TRAK2: variants seen among roughly 807,000 people sequenced by gnomAD.
TRAK2 encodes the protein trafficking kinesin protein 2.
Under a neutral mutation model 104.6 loss-of-function variants are expected in TRAK2, and 81 were observed. The ratio of observed to expected loss-of-function variants is 0.77; its 90% CI spans 0.65 to 0.93. The LOEUF (loss-of-function observed/expected upper bound fraction) is 0.93, where lower values mean the gene tolerates loss of function less well. Ranked by LOEUF, TRAK2 falls within the 40% of genes least tolerant of loss-of-function variation. The pLI, the probability that TRAK2 is intolerant of heterozygous loss-of-function variation, is 0.00. For synonymous variants in TRAK2, 406 were observed against 394.4 expected (o/e 1.03, Z -0.35); for missense variants, 1,002 against 1,089.0 (o/e 0.92, Z 1.12).
At chr2:201,429,966 C>T (rs371841923) in intron 1 of TRAK2, among the ~76,000 whole-genome samples, 21 of 152,182 alleles carry the variant, frequency 1.4e-4, no homozygotes, top group Non-Finnish European at 2.2e-4. Context: ...CCTATCTTTG[C>T]GGTTTTATCT....
chr2:201,387,816 G>A lies in TRAK2; in HGVS notation c.1583C>T (p.Thr528Ile), dbSNP rs2244438. The change falls in exon 13 of 16, where the codon ACA becomes ATA. Residue 528 changes from threonine (T) to isoleucine (I), a missense_variant. Physicochemically the swap from Thr to Ile is moderately conservative, Grantham distance 89. Coordinates refer to ENST00000332624, the MANE Select transcript of TRAK2 (RefSeq NM_015049.3). ...GGTGCAGAGAGAGGCAAGGCTCTCT[G>A]TCGGGGTGACACAGCCACTAACTCC... Reference protein sequence around the residue: ...KEGVSGCVTPTESLASLCTTQ... With the variant: ...KEGVSGCVTPIESLASLCTTQ... The A allele has an allele frequency of 0.29, 472,611 of 1,613,896 alleles. 71,636 individuals are homozygous for A. The highest frequency in any genetic ancestry group is 0.4 in the Admixed American group (24,208 of 59,996).
intron 15 of TRAK2, among the ~76,000 whole-genome samples, chr2:201,381,984 T>A (rs1472160467): frequency 6.6e-6 from 1 of 152,190 alleles, no homozygotes; most frequent in African/African-American, 2.4e-5. Flanking sequence ...TATACAGAAG[T>A]GAAGGTGAGC....
At chr2:201,429,560 T>G (rs1951822761) in intron 1 of TRAK2, among the ~76,000 whole-genome samples, 1 of 152,212 alleles carries the variant, frequency 6.6e-6, no homozygotes, top group African/African-American at 2.4e-5. Flanking sequence ...TTTGTTCATT[T>G]CTTTTTACTC....
At chr2:201,432,435 T>C (rs962654862) in intron 1 of TRAK2, among the ~76,000 whole-genome samples, 4 of 152,202 alleles carry the variant, frequency 2.6e-5, no homozygotes, top group African/African-American at 9.7e-5. Context: ...CTTTTCTTTA[T>C]AAAACAACCA....
chr2:201,415,795 G>C (rs1576523914), intron 2 of TRAK2, among the ~76,000 whole-genome samples: 1 of 152,008 alleles, frequency 6.6e-6, no homozygotes, highest in Non-Finnish European at 1.5e-5. Flanking sequence ...AAAAATATTT[G>C]AAAAAATGGT....
chr2:201,416,904 A>T (rs1223818361), intron 2 of TRAK2, among the ~76,000 whole-genome samples: 2 of 152,076 alleles, frequency 1.3e-5, no homozygotes, highest in Non-Finnish European at 2.9e-5. Flanking sequence ...GACGGAACAA[A>T]TAGAAAAAGA....
At chr2:201,412,828 G>A in intron 2 of TRAK2, 1 of 902,024 alleles carries the variant, frequency 1.1e-6, no homozygotes. Flanking sequence ...CAATCCTTTA[G>A]AAACCTGAAG....
intron 1 of TRAK2, among the ~76,000 whole-genome samples, chr2:201,432,251 A>G (rs1437149645): frequency 1.3e-5 from 2 of 152,198 alleles, no homozygotes; most frequent in Non-Finnish European, 2.9e-5. Context: ...GCATGAATAA[A>G]CCAAAAGCTT....
intron 1 of TRAK2, among the ~76,000 whole-genome samples, chr2:201,423,860 GA>G (rs752545158): frequency 1.3e-5 from 2 of 151,492 alleles, no homozygotes; most frequent in East Asian, 1.9e-4. Flanking sequence ...TCTTGGTAAA[GA>G]AAAAAAAGAT....
chr2:201,421,503 G>A (rs1394466059), intron 1 of TRAK2, among the ~76,000 whole-genome samples: 1 of 152,064 alleles, frequency 6.6e-6, no homozygotes, highest in Non-Finnish European at 1.5e-5. Flanking sequence ...CAGCAGAATC[G>A]CTTCCCCAGA....
intron 7 of TRAK2, among the ~76,000 whole-genome samples, chr2:201,395,835 A>G (rs1266844368): frequency 3.9e-5 from 6 of 152,210 alleles, no homozygotes; most frequent in African/African-American, 1.2e-4. Context: ...TTAGGGACAT[A>G]AAATCCCACA....
intron 1 of TRAK2, among the ~76,000 whole-genome samples, chr2:201,440,896 C>T (rs1247674634): frequency 6.6e-6 from 1 of 152,126 alleles, no homozygotes; most frequent in Non-Finnish European, 1.5e-5. Context: ...AAGATGGCTG[C>T]CCACTAGTCA....
intron 2 of TRAK2, among the ~76,000 whole-genome samples, chr2:201,415,510 C>T (rs10804115): frequency 0.57 from 86,743 of 151,810 alleles, 26,034 homozygotes; most frequent in South Asian, 0.69. Context: ...AAAATATGAA[C>T]GTAATGGAAA....
intron 12 of TRAK2, 128 bp from the exon 13 acceptor site, chr2:201,388,129 AAT>A: frequency 1.0e-6 from 1 of 997,340 alleles, no homozygotes; most frequent in Non-Finnish European, 1.6e-6. Flanking sequence ...AGATACCTGG[AAT>A]ATAGAAGTAA....
chr2:201,386,547 A>G (rs1951392921), intron 13 of TRAK2, 63 bp from the exon 14 acceptor site: 1 of 1,571,584 alleles, frequency 6.4e-7, no homozygotes. Flanking sequence ...ATCTTAAAAC[A>G]CAAGCTAAAA....
At chr2:201,430,747 A>G (rs1576534032) in intron 1 of TRAK2, among the ~76,000 whole-genome samples, 1 of 152,166 alleles carries the variant, frequency 6.6e-6, no homozygotes, top group Non-Finnish European at 1.5e-5. Context: ...CTTGGCTAGG[A>G]AAGGGAATTC....
intron 3 of TRAK2, among the ~76,000 whole-genome samples, chr2:201,402,156 T>C (rs989475794): frequency 2.6e-5 from 4 of 152,112 alleles, no homozygotes; most frequent in Admixed American, 2.6e-4. Flanking sequence ...CTACGTATCA[T>C]ATAACTGTTT....
intron 1 of TRAK2, among the ~76,000 whole-genome samples, chr2:201,442,736 C>T (rs1013701728): frequency 3.9e-5 from 6 of 152,262 alleles, no homozygotes; most frequent in South Asian, 2.1e-4. Context: ...CTGATAAATC[C>T]ATGTAATCTA....
In TRAK2 at chr2:201,451,381, C is replaced by G. The variant is rs1382957078; in HGVS notation, c.-231G>C. On this transcript the variant is annotated 5_prime_UTR_variant, in exon 1 of 16. Transcript: ENST00000332624. ...GGTTCGGCATCCTCTGTCGTCCGCC[C>G]GCGCTTCCTCAGGAAGCCCCTAATG... is the stretch of plus-strand genomic sequence containing the variant. 2 of 152,212 alleles carry G rather than the reference C, an allele frequency of 1.3e-5. No homozygotes were observed. Among genetic ancestry groups the G allele is most frequent in the Non-Finnish European group, 2.9e-5 (2 of 68,034 alleles). The allele number at this position is 152,212 out of a possible 1,614,324, so 9.4% of individuals were successfully genotyped here.
Sources: gnomAD v4.1 joint callset for allele counts (sites outside exome capture counted in the v4.1 genomes callset) on GRCh38, gnomAD v4.1.1 for gene constraint, MANE v1.5 for transcripts, NCBI Gene and HGNC (gene_info 2026-07-23, HGNC 2026-07-21) for gene names.